Variants in IMPA1 observed in about 807,000 individuals in gnomAD.
The protein encoded by IMPA1 is D-galactose 1-phosphate phosphatase.
A neutral mutation model predicts 34.9 loss-of-function variants in IMPA1; 21 were observed. The observed-to-expected ratio is 0.60, with a 90% CI of 0.43 to 0.87. The LOEUF is 0.87. IMPA1 is among the 40% of genes least tolerant of loss of function. IMPA1 has a pLI of 0.00. For missense variants in IMPA1, 299 were observed against 336.4 expected, an observed-to-expected ratio of 0.89 and a Z score of 0.87; for synonymous variants, 95 against 104.4, an observed-to-expected ratio of 0.91 and a Z score of 0.55.
chr8:81,685,770 T>C (rs1462302593), intron 1 of IMPA1: 2 of 1,530,284 alleles, frequency 1.3e-6, no homozygotes, highest in East Asian at 2.5e-5. Flanking sequence ...CACTTTCATT[T>C]TCCCAAAGCC....
At chr8:81,685,413 C>T (rs1056645272) in intron 1 of IMPA1, among the ~76,000 whole-genome samples, 1 of 138,782 alleles carries the variant, frequency 7.2e-6, no homozygotes, top group African/African-American at 2.6e-5. Flanking sequence ...TATTTAGGTA[C>T]TATATATAAG....
At chr8:81,686,089 TC>T in intron 1 of IMPA1, 162 bp downstream of exon 1, 4 of 919,556 alleles carry the variant, frequency 4.3e-6, no homozygotes, top group Non-Finnish European at 5.9e-6. Flanking sequence ...CCAGGGCAGC[TC>T]CGGATAACGC....
rs565899211 is a variant in IMPA1 at position 81,664,561 on chromosome 8, C to T, written c.567-3894G>A. ...AACAAAAACACTGAGCACAGATCAG[C>T]ACTTGGTAATTCATAGTCTTGGCTA... On this transcript the variant is annotated intron_variant, in intron 7 of 8. Coordinates refer to ENST00000256108, the MANE Select transcript of IMPA1 (RefSeq NM_005536.4). Among the ~76,000 whole-genome samples the T allele has an allele frequency of 1.5e-4, 23 of 152,274 alleles. No homozygotes were observed. In the South Asian group the frequency reaches 4.4e-3, roughly 29 times the overall value.
At chr8:81,668,034 AG>A (rs553688448) in intron 7 of IMPA1, among the ~76,000 whole-genome samples, 137 of 152,186 alleles carry the variant, frequency 9.0e-4, no homozygotes, top group African/African-American at 2.5e-3. Context: ...CGTGTTAGCC[AG>A]GATGGTCTCG....
At position 81,682,893 on chromosome 8, in the gene IMPA1, T is replaced by C. The variant is rs10113362; in HGVS notation, c.-24-1309A>G. 6.3e-3 allele frequency among the ~76,000 whole-genome samples: 965 copies of C among 152,256 alleles called. 13 individuals carry two copies. Among genetic ancestry groups the C allele is most frequent in the African/African-American group, 0.022 (914 of 41,540 alleles). ...CTATTGTATGCTATACACTGCACCA[T>C]GGGGAGGAAAATCAGGTCCTGTTCA... On this transcript the variant is annotated intron_variant, in intron 1 of 8. Transcript: ENST00000256108.
intron 1 of IMPA1, chr8:81,685,705 TTATATA>T: frequency 2.3e-6 from 2 of 872,488 alleles, no homozygotes; most frequent in Non-Finnish European, 3.1e-6. Flanking sequence ...ATATGAATAG[TTATATA>T]TATATAAATC....
intron 3 of IMPA1, among the ~76,000 whole-genome samples, chr8:81,680,430 G>C (rs1807264260): frequency 6.6e-6 from 1 of 152,184 alleles, no homozygotes; most frequent in Non-Finnish European, 1.5e-5. Flanking sequence ...GCTACCAGCA[G>C]ACAACTCCCC....
rs1288322743 is a variant in IMPA1, at chr8:81,657,703, G to A, written c.*1648C>T. On this transcript the variant is annotated 3_prime_UTR_variant, in exon 9 of 9. Coordinates refer to ENST00000256108, the MANE Select transcript of IMPA1 (RefSeq NM_005536.4). ...ATCCCAGCACTTTGGGAGGCCAAGGGGCCTGGAAAACATAGGAAGATCCCA... is the reference window on the plus strand; with the variant it reads ...ATCCCAGCACTTTGGGAGGCCAAGGAGCCTGGAAAACATAGGAAGATCCCA... Among the ~76,000 whole-genome samples, 1 of 151,228 alleles carries A rather than the reference G, an allele frequency of 6.6e-6. No homozygotes were observed. Among genetic ancestry groups the A allele is most frequent in the African/African-American group, 2.4e-5 (1 of 41,148 alleles).
rs895079303 is a variant in IMPA1 at position 81,659,268 on chromosome 8, A to G, written c.*83T>C. 8.0e-5 allele frequency: 64 copies of G among 796,718 alleles called. No homozygotes were observed. The highest frequency in any genetic ancestry group is 1.1e-5 in the Non-Finnish European group (5 of 450,190). 49.4% of individuals were successfully genotyped at this position (796,718 alleles called of 1,614,324 possible). A position where few individuals can be genotyped will look rare whatever the true frequency, so the allele number is the denominator to read the frequency against. ...GACAAAGAGAATTTAAACCAAGCAT[A>G]TCATACATCCAAAACACATATCCAT... On this transcript the variant is annotated 3_prime_UTR_variant, in exon 9 of 9. Coordinates refer to ENST00000256108, the MANE Select transcript of IMPA1 (RefSeq NM_005536.4).
At chr8:81,670,912 G>A (rs1806969116) in intron 7 of IMPA1, 27 bp downstream of exon 7, 1 of 1,172,690 alleles carries the variant, frequency 8.5e-7, no homozygotes, top group African/African-American at 1.6e-5. Flanking sequence ...TACAAAGAGA[G>A]AGATAGAATA....
chr8:81,671,168 A>G, intron 6 of IMPA1, 121 bp from the exon 7 acceptor site: 1 of 496,080 alleles, frequency 2.0e-6, no homozygotes, highest in Non-Finnish European at 3.5e-6. Flanking sequence ...ATAAGCATTT[A>G]AATAATAAAA....
chr8:81,674,115 G>A (rs1807067095), intron 5 of IMPA1, 166 bp from the exon 6 acceptor site: 2 of 559,240 alleles, frequency 3.6e-6, no homozygotes, highest in African/African-American at 3.8e-5. Flanking sequence ...AAGAGAAAGA[G>A]GTCACCAGAA....
chr8:81,671,374 A>C (rs1189875386), intron 6 of IMPA1, among the ~76,000 whole-genome samples: 1 of 152,196 alleles, frequency 6.6e-6, no homozygotes. Flanking sequence ...GATTTGGAAG[A>C]AAACAAATTA....
intron 8 of IMPA1, among the ~76,000 whole-genome samples, chr8:81,660,129 A>T (rs947893117): frequency 1.1e-4 from 16 of 152,136 alleles, no homozygotes; most frequent in Admixed American, 7.9e-4. Flanking sequence ...GCTAAAAAAA[A>T]TTTTTTTAAT....
intron 1 of IMPA1, among the ~76,000 whole-genome samples, chr8:81,684,138 T>C (rs924221249): frequency 2.1e-4 from 24 of 114,002 alleles, no homozygotes; most frequent in African/African-American, 4.3e-4. Context: ...CATACACACA[T>C]ACACACACAC....
At chr8:81,685,069 G>T in intron 1 of IMPA1, among the ~76,000 whole-genome samples, 1 of 125,484 alleles carries the variant, frequency 8.0e-6, no homozygotes, top group Non-Finnish European at 1.6e-5. Context: ...AGTATATTTA[G>T]ATATATATAC....
intron 4 of IMPA1, among the ~76,000 whole-genome samples, chr8:81,677,538 A>G (rs1476138836): frequency 6.6e-6 from 1 of 152,244 alleles, no homozygotes; most frequent in Non-Finnish European, 1.5e-5. Flanking sequence ...AAATTTTTCC[A>G]TAGCTGCATG....
Position 81,662,358 on chromosome 8 carries a change from A to G in IMPA1, c.567-1691T>C, listed in dbSNP as rs145126363. On this transcript the variant is annotated intron_variant, in intron 7 of 8. Coordinates refer to ENST00000256108, the MANE Select transcript of IMPA1 (RefSeq NM_005536.4). Reference sequence around the variant, plus strand: ...TCAGATATAGAATCCTAGGCTAGCCAAACAACAGTGATATCTACTAGCGGT... The same window carrying G: ...TCAGATATAGAATCCTAGGCTAGCCGAACAACAGTGATATCTACTAGCGGT... 2.6e-4 allele frequency among the ~76,000 whole-genome samples: 40 copies of G among 152,340 alleles called. 1 individual carries two copies. The East Asian group carries it at 6.6e-3, about 25-fold the overall frequency.
At chr8:81,660,779 G>T in intron 7 of IMPA1, 112 bp from the exon 8 acceptor site, 1 of 680,748 alleles carries the variant, frequency 1.5e-6, no homozygotes, top group South Asian at 3.8e-5. Context: ...CGATCTAGAG[G>T]ATAAAGATTT....
Sources: gnomAD v4.1 joint callset for allele counts (sites outside exome capture counted in the v4.1 genomes callset) on GRCh38, gnomAD v4.1.1 for gene constraint, MANE v1.5 for transcripts, NCBI Gene and HGNC (gene_info 2026-07-23, HGNC 2026-07-21) for gene names.